Variants in XKR4 observed in about 807,000 individuals in gnomAD.
The protein encoded by XKR4 is XK-related protein 4.
In XKR4, 12 loss-of-function variants were observed where a neutral mutation model predicts 53.9. The observed-to-expected ratio is 0.22, with a 90% CI of 0.14 to 0.36. XKR4 has a LOEUF of 0.36. XKR4 is among the 10% of genes least tolerant of loss of function. The pLI, the probability that XKR4 is intolerant of heterozygous loss-of-function variation, is 1.00. For missense variants in XKR4, 799 were observed against 859.5 expected (o/e 0.93, Z 0.88); for synonymous variants, 354 against 362.4 (o/e 0.98, Z 0.26).
intron 2 of XKR4, among the ~76,000 whole-genome samples, chr8:55,404,743 T>A (rs1053390123): frequency 1.3e-5 from 2 of 152,228 alleles, no homozygotes; most frequent in Non-Finnish European, 2.9e-5. Flanking sequence ...TTGCTGCTTG[T>A]CTTGCTGGCT....
At chr8:55,359,484 T>C (rs760021716) in intron 2 of XKR4, among the ~76,000 whole-genome samples, 1 of 152,306 alleles carries the variant, frequency 6.6e-6, no homozygotes, top group South Asian at 2.1e-4. Flanking sequence ...ACAAATGAAA[T>C]TGAAAGGCAA....
chr8:55,116,120 A>G (rs139146502), intron 1 of XKR4, among the ~76,000 whole-genome samples: 1 of 152,270 alleles, frequency 6.6e-6, no homozygotes, highest in African/African-American at 2.4e-5. Flanking sequence ...TTTTTCTGAA[A>G]AAGAAGTAGT....
chr8:55,208,816 C>T (rs1817684730), intron 1 of XKR4, among the ~76,000 whole-genome samples: 1 of 152,104 alleles, frequency 6.6e-6, no homozygotes, highest in African/African-American at 2.4e-5. Context: ...GTGTGGACCC[C>T]CGCAGTTTGT....
At chr8:55,480,432 C>A (rs1392173336) in intron 2 of XKR4, among the ~76,000 whole-genome samples, 4 of 152,114 alleles carry the variant, frequency 2.6e-5, no homozygotes, top group African/African-American at 9.7e-5. Context: ...ATGACAAACC[C>A]ACAGCCAATA....
At chr8:55,369,989 G>A (rs994025839) in intron 2 of XKR4, among the ~76,000 whole-genome samples, 21 of 152,146 alleles carry the variant, frequency 1.4e-4, no homozygotes, top group African/African-American at 4.8e-4. Flanking sequence ...GAGCCACAGA[G>A]TTCAAGGCTA....
chr8:55,365,707 CAAAAAAAAAAAA>C (rs397932881), intron 2 of XKR4, among the ~76,000 whole-genome samples: 1 of 76,160 alleles, frequency 1.3e-5, no homozygotes, highest in Admixed American at 1.5e-4. Context: ...AACTTCGTCT[CAAAAAAAAAAAA>C]AAAAAAAAGG....
At chr8:55,454,372 G>A in intron 2 of XKR4, 1 of 1,503,208 alleles carries the variant, frequency 6.7e-7, no homozygotes, top group Non-Finnish European at 9.2e-7. Context: ...TGGGCACATA[G>A]GTGAAGCTGT....
intron 1 of XKR4, among the ~76,000 whole-genome samples, chr8:55,159,159 G>A (rs2129356758): frequency 6.6e-6 from 1 of 152,240 alleles, no homozygotes; most frequent in Admixed American, 6.5e-5. Context: ...ATTTTGAGCA[G>A]TATTTTGTAT....
chr8:55,167,735 A>G (rs1276741806), intron 1 of XKR4, among the ~76,000 whole-genome samples: 1 of 152,238 alleles, frequency 6.6e-6, no homozygotes, highest in Non-Finnish European at 1.5e-5. Flanking sequence ...GATGAGTGTT[A>G]GAGTCATACA....
intron 2 of XKR4, among the ~76,000 whole-genome samples, chr8:55,376,905 T>A (rs902713493): frequency 6.6e-6 from 1 of 151,678 alleles, no homozygotes. Context: ...TCTCTCTGTC[T>A]CTACCTCTCT....
intron 1 of XKR4, among the ~76,000 whole-genome samples, chr8:55,128,885 G>T (rs1342063178): frequency 6.8e-6 from 1 of 146,678 alleles, no homozygotes; most frequent in Non-Finnish European, 1.5e-5. Flanking sequence ...TTGAAATGCA[G>T]ATGCTTAGTC....
chr8:55,325,431 G>A (rs1803278498), intron 1 of XKR4, among the ~76,000 whole-genome samples: 1 of 152,112 alleles, frequency 6.6e-6, no homozygotes. Context: ...AGAAAGATGA[G>A]TTGTGACCCC....
In XKR4 at chr8:55,214,954, T is replaced by C. The variant is rs6997656; in HGVS notation, c.806+111660T>C. On this transcript the variant is annotated intron_variant, in intron 1 of 2. Transcript: ENST00000327381. ...GAAATTATTCTTTCTCCAGGGTATG[T>C]GTCTTTAGCAACATAGAATAGTAAA... Among the ~76,000 whole-genome samples, 1,321 of 152,318 alleles carry C rather than the reference T, an allele frequency of 8.7e-3. 14 individuals are homozygous for C. The highest frequency in any genetic ancestry group is 0.031 in the Middle Eastern group (9 of 294).
At chr8:55,449,863 G>T (rs1805404795) in intron 2 of XKR4, 4 of 974,920 alleles carry the variant, frequency 4.1e-6, no homozygotes, top group Middle Eastern at 2.7e-4. Flanking sequence ...TCTGGAACTG[G>T]CTGTAAGGGT....
intron 2 of XKR4, among the ~76,000 whole-genome samples, chr8:55,485,190 G>A (rs1204099986): frequency 6.6e-6 from 1 of 152,134 alleles, no homozygotes; most frequent in Non-Finnish European, 1.5e-5. Flanking sequence ...TTTCTGTAAG[G>A]TCAGGAGCAA....
At chr8:55,319,259 T>C (rs1309096474) in intron 1 of XKR4, among the ~76,000 whole-genome samples, 3 of 152,244 alleles carry the variant, frequency 2.0e-5, no homozygotes, top group Non-Finnish European at 4.4e-5. Flanking sequence ...ATCTACAAGT[T>C]GTGACTTGAT....
At chr8:55,376,313 C>A (rs551420940) in intron 2 of XKR4, among the ~76,000 whole-genome samples, 1 of 152,298 alleles carries the variant, frequency 6.6e-6, no homozygotes, top group Non-Finnish European at 1.5e-5. Flanking sequence ...ACACTGTCTT[C>A]CACATGGTTG....
At chr8:55,355,671 C>A (rs1226222648) in intron 1 of XKR4, among the ~76,000 whole-genome samples, 1 of 152,188 alleles carries the variant, frequency 6.6e-6, no homozygotes, top group Non-Finnish European at 1.5e-5. Context: ...TTCTATCAGA[C>A]TTTTCCATAA....
Position 55,472,913 on chromosome 8 carries a change from A to G in XKR4, c.1007-50368A>G, listed in dbSNP as rs145000166. Among the ~76,000 whole-genome samples, 949 of 152,194 alleles carry G rather than the reference A, an allele frequency of 6.2e-3. 10 individuals carry two copies. The highest frequency in any genetic ancestry group is 0.017 in the Middle Eastern group (5 of 294). On this transcript the variant is annotated intron_variant, in intron 2 of 2. Coordinates refer to ENST00000327381, the MANE Select transcript of XKR4 (RefSeq NM_052898.2). ...GGCATCTTACAGAGATTTTAGTGAA[A>G]CAGGTCTTCTAATTTTTATACTTTC...
Sources: gnomAD v4.1 joint callset for allele counts (sites outside exome capture counted in the v4.1 genomes callset) on GRCh38, gnomAD v4.1.1 for gene constraint, MANE v1.5 for transcripts, NCBI Gene and HGNC (gene_info 2026-07-23, HGNC 2026-07-21) for gene names.